Variants in SLC25A33 observed in about 807,000 individuals in gnomAD.
SLC25A33 encodes solute carrier family 25 member 33.
Under a neutral mutation model 35.5 loss-of-function variants are expected in SLC25A33, and 15 were observed. The ratio of observed to expected loss-of-function variants is 0.42; its 90% confidence interval spans 0.28 to 0.65. The LOEUF (loss-of-function observed/expected upper bound fraction) is 0.65. Ranked by LOEUF, SLC25A33 falls within the 30% of genes least tolerant of loss-of-function variation. SLC25A33 has a pLI of 0.20. For missense variants in SLC25A33, 257 were observed against 398.5 expected, an observed-to-expected ratio of 0.64 and a Z score of 3.02; for synonymous variants, 136 against 148.7, an observed-to-expected ratio of 0.91 and a Z score of 0.62.
intron 2 of SLC25A33, among the ~76,000 whole-genome samples, chr1:9,565,803 G>A (rs1462552424): frequency 6.6e-6 from 1 of 151,556 alleles, no homozygotes; most frequent in Non-Finnish European, 1.5e-5. Flanking sequence ...GTGTGAACCT[G>A]GGAGGCGGAG....
intron 1 of SLC25A33, among the ~76,000 whole-genome samples, chr1:9,540,787 A>G (rs1038674901): frequency 3.9e-5 from 6 of 152,274 alleles, no homozygotes; most frequent in South Asian, 2.1e-4. Context: ...ACAACAAACA[A>G]TGGTTGAGAA....
chr1:9,548,403 G>A (rs1456874759), intron 1 of SLC25A33, among the ~76,000 whole-genome samples: 1 of 152,128 alleles, frequency 6.6e-6, no homozygotes, highest in Non-Finnish European at 1.5e-5. Context: ...CCAACATGGT[G>A]AAACCCTGTC....
chr1:9,553,197 AGTTTT>A (rs1643291037), intron 1 of SLC25A33, among the ~76,000 whole-genome samples: 1 of 34,818 alleles, frequency 2.9e-5, no homozygotes, highest in African/African-American at 1.1e-4. Context: ...ATTGTGTTCT[AGTTTT>A]GTTTTTTTTT....
At chr1:9,570,176 C>G (rs534570619) in intron 3 of SLC25A33, 82 bp from the exon 4 acceptor site, 1 of 1,291,154 alleles carries the variant, frequency 7.7e-7, no homozygotes, top group Non-Finnish European at 1.1e-6. Context: ...TTTTATTTTC[C>G]GAAAATTTTT....
intron 1 of SLC25A33, among the ~76,000 whole-genome samples, chr1:9,540,208 A>C (rs1489714001): frequency 6.6e-6 from 1 of 152,078 alleles, no homozygotes; most frequent in Non-Finnish European, 1.5e-5. Context: ...GGTCATCCGG[A>C]CGGGCAAAAA....
chr1:9,576,443 G>A (rs1643661944), intron 5 of SLC25A33: 3 of 392,698 alleles, frequency 7.6e-6, no homozygotes, highest in South Asian at 3.9e-5. Context: ...ACCATTCACA[G>A]CAATCAGACT....
chr1:9,578,874 C>A lies in SLC25A33; in HGVS notation c.483-1080C>A, dbSNP rs1050580503. ...AATCTAGCAGATATACCGTGGTCAGCTATCTGGATTGTTGTCCTGATTGTT... is the reference window on the plus strand; with the variant it reads ...AATCTAGCAGATATACCGTGGTCAGATATCTGGATTGTTGTCCTGATTGTT... On this transcript the variant is annotated intron_variant, in intron 5 of 6. Transcript: ENST00000302692. This position sits in a 1 kb window ranked among gnomAD's most constrained non-coding sequence, Gnocchi z 4.3. Among the ~76,000 whole-genome samples the A allele has an allele frequency of 1.5e-4, 23 of 152,274 alleles. No homozygotes were observed. Among genetic ancestry groups the A allele is most frequent in the African/African-American group, 5.5e-4 (23 of 41,482 alleles).
intron 1 of SLC25A33, among the ~76,000 whole-genome samples, chr1:9,541,960 C>T (rs1209545784): frequency 2.6e-5 from 4 of 151,964 alleles, no homozygotes; most frequent in Admixed American, 6.6e-5. Context: ...CCACCACGCC[C>T]GGCTAATTTT....
intron 2 of SLC25A33, among the ~76,000 whole-genome samples, chr1:9,557,568 C>T (rs934908332): frequency 1.3e-5 from 2 of 151,794 alleles, no homozygotes; most frequent in Non-Finnish European, 1.5e-5. Flanking sequence ...GGCATGTTGG[C>T]GTGCACCTAT....
chr1:9,555,701 T>C (rs1185975274), intron 2 of SLC25A33, among the ~76,000 whole-genome samples: 2 of 152,072 alleles, frequency 1.3e-5, no homozygotes, highest in Non-Finnish European at 2.9e-5. Flanking sequence ...GTTTTCTTTT[T>C]TGAGACAGAT....
intron 2 of SLC25A33, among the ~76,000 whole-genome samples, chr1:9,564,725 TAA>T (rs1553146726): frequency 0.19 from 17,617 of 93,982 alleles, 1,955 homozygotes; most frequent in Non-Finnish European, 0.23. Context: ...CGTCTCTATT[TAA>T]AAAAAAAAAA....
chr1:9,568,984 A>G (rs574646744), intron 3 of SLC25A33, among the ~76,000 whole-genome samples: 20 of 150,488 alleles, frequency 1.3e-4, no homozygotes, highest in Non-Finnish European at 2.4e-4. Flanking sequence ...AGTAGCCCAC[A>G]CCTATAATCC....
chr1:9,581,604 C>T (rs1223866652), intron 6 of SLC25A33, among the ~76,000 whole-genome samples: 1 of 151,938 alleles, frequency 6.6e-6, no homozygotes, highest in Non-Finnish European at 1.5e-5. Flanking sequence ...TGGCAGGTGC[C>T]TGTAATCCCA....
chr1:9,541,264 C>G (rs2100363204), intron 1 of SLC25A33, among the ~76,000 whole-genome samples: 1 of 152,076 alleles, frequency 6.6e-6, no homozygotes, highest in East Asian at 1.9e-4. Context: ...CGCCATTCTC[C>G]TGTCTCAGCC....
chr1:9,582,350 T>C lies in SLC25A33; in HGVS notation c.815T>C (p.Val272Ala), dbSNP rs1248129126. 3 of 1,613,982 alleles carry C rather than the reference T, an allele frequency of 1.9e-6. No homozygotes were observed. The highest frequency in any genetic ancestry group is 3.3e-4 in the Middle Eastern group (2 of 6,056). ...GAGGGCACCAAGTACAAGTCTTTTG[T>C]CCAGACGGCGCGCCTGGTGTTCCGG... is the stretch of plus-strand genomic sequence containing the variant. The part of the protein sequence containing the change: ...REEGTKYKSF[V>A]QTARLVFREE... The change falls in exon 7 of 7, where the codon GTC (valine) becomes GCC (alanine). Residue 272 changes from valine to alanine, a missense_variant. Coordinates refer to ENST00000302692, the MANE Select transcript of SLC25A33 (RefSeq NM_032315.3). This position sits in a 1 kb window ranked among gnomAD's most constrained non-coding sequence, Gnocchi z 4.0.
intron 1 of SLC25A33, among the ~76,000 whole-genome samples, chr1:9,546,985 T>C (rs950038172): frequency 1.3e-5 from 2 of 152,242 alleles, no homozygotes; most frequent in Non-Finnish European, 2.9e-5. Flanking sequence ...CTAGGACACG[T>C]ACCCCTTGCT....
intron 1 of SLC25A33, among the ~76,000 whole-genome samples, chr1:9,544,495 C>T (rs1029060264): frequency 2.0e-5 from 3 of 152,186 alleles, no homozygotes; most frequent in African/African-American, 7.2e-5. Flanking sequence ...TCTCGAACTA[C>T]TGACCTCAGG....
intron 1 of SLC25A33, among the ~76,000 whole-genome samples, chr1:9,546,305 C>A (rs992467314): frequency 6.6e-6 from 1 of 151,162 alleles, no homozygotes; most frequent in Non-Finnish European, 1.5e-5. Flanking sequence ...CTGCTTCAGC[C>A]TCCTGAGTAG....
At chr1:9,552,910 CTT>C (rs58092940) in intron 1 of SLC25A33, among the ~76,000 whole-genome samples, 2,464 of 94,014 alleles carry the variant, frequency 0.026, 29 homozygotes, top group African/African-American at 0.088. Flanking sequence ...GGGATTTCAA[CTT>C]TTTTTTTTTT....
Sources: gnomAD v4.1 joint callset for allele counts (sites outside exome capture counted in the v4.1 genomes callset) on GRCh38, gnomAD v4.1.1 for gene constraint, Gnocchi (gnomAD v3.1) non-coding constraint, MANE v1.5 for transcripts, NCBI Gene and HGNC (gene_info 2026-07-23, HGNC 2026-07-21) for gene names.